Variants in TUBGCP6 observed in about 807,000 individuals in gnomAD.
The protein encoded by TUBGCP6 is gamma-tubulin complex component 6.
TUBGCP6 carries 161 observed loss-of-function variants against 175.8 expected under a neutral mutation model. That is an observed-to-expected ratio of 0.92 (90% CI 0.81 to 1.04). TUBGCP6 has a LOEUF of 1.04. TUBGCP6 is among the 50% of genes least tolerant of loss of function. The pLI is 0.00. For synonymous variants in TUBGCP6, 1,173 were observed against 1,030.5 expected (o/e 1.14, Z -2.65); for missense variants, 2,572 against 2,433.0 (o/e 1.06, Z -1.20).
At position 50,233,430 on chromosome 22, in the gene TUBGCP6, A is replaced by C; in HGVS notation, c.1002T>G (p.Leu334=). ...GCGGGGCCTGTAGGACGCCCCCAGC[A>C]AGCAGCTGGAGCTCCCCTTGGTGGA... The part of the protein sequence containing the change: ...CRLHQGELQL[L]AGGVLQAPQP... Residue 334 remains leucine, a synonymous_variant, in exon 3 of 25, where the codon CTT becomes CTG. Coordinates refer to ENST00000248846, the MANE Select transcript of TUBGCP6 (RefSeq NM_020461.4). 1 of 1,613,744 alleles carries C rather than the reference A, an allele frequency of 6.2e-7. No homozygotes were observed. Among genetic ancestry groups the C allele is most frequent in the Non-Finnish European group, 8.5e-7 (1 of 1,179,854 alleles).
At chr22:50,225,115 G>A (rs1483724597) in intron 10 of TUBGCP6, among the ~76,000 whole-genome samples, 1 of 136,456 alleles carries the variant, frequency 7.3e-6, no homozygotes, top group Non-Finnish European at 1.5e-5. Context: ...TCCAGGCCAT[G>A]GACGGGAGCT....
At chr22:50,226,569 G>A (rs2064613367) in intron 7 of TUBGCP6, among the ~76,000 whole-genome samples, 164 bp downstream of exon 7, 1 of 148,542 alleles carries the variant, frequency 6.7e-6, no homozygotes, top group African/African-American at 2.5e-5. Context: ...GGGGTGTGGA[G>A]TGGGGGCAGG....
rs141834192 is a variant in TUBGCP6, at chr22:50,225,910, G to A, written c.1867C>T (p.Arg623Trp). 1.7e-5 allele frequency: 27 copies of A among 1,613,598 alleles called. No homozygotes were observed. The highest frequency in any genetic ancestry group is 2.2e-5 in the East Asian group (1 of 44,860). Residue 623 changes from arginine (R) to tryptophan (W), a missense_variant, in exon 10 of 25, where the codon CGG (arginine) becomes TGG (tryptophan). Coordinates refer to ENST00000248846, the MANE Select transcript of TUBGCP6 (RefSeq NM_020461.4). ...TCAAGGGAGAAAATCACCGAGATCC[G>A]GGGGACAGGGACGTCGGACCAACAG... is the stretch of plus-strand genomic sequence containing the variant. ...YLCWSDVPVP[R>W]ISVIFSLEEL...
intron 2 of TUBGCP6, among the ~76,000 whole-genome samples, chr22:50,236,702 G>C (rs1264154819): frequency 1.3e-5 from 2 of 152,234 alleles, no homozygotes; most frequent in Non-Finnish European, 2.9e-5. Context: ...CAGTCAGCAG[G>C]TGGGGCCGCT....
intron 7 of TUBGCP6, 101 bp from the exon 8 acceptor site, chr22:50,226,479 G>A: frequency 1.8e-6 from 2 of 1,108,638 alleles, no homozygotes; most frequent in South Asian, 2.8e-5. Context: ...GTCAGTGAGG[G>A]GCAAGTGGGG....
chr22:50,238,443 G>A (rs1191404035), intron 2 of TUBGCP6, among the ~76,000 whole-genome samples: 5 of 149,168 alleles, frequency 3.4e-5, no homozygotes, highest in Non-Finnish European at 7.4e-5. Flanking sequence ...ACAAGACTCC[G>A]CCTCAATAAA....
Position 50,221,565 on chromosome 22 carries a change from AG to A in TUBGCP6, c.2793del (p.Ser932GlnfsTer26), listed in dbSNP as rs1299462712. 6.3e-7 allele frequency: 1 copy of A among 1,587,626 alleles called. No homozygotes were observed. Among genetic ancestry groups the A allele is most frequent in the Non-Finnish European group, 8.6e-7 (1 of 1,164,786 alleles). On this transcript the variant is annotated frameshift_variant, in exon 16 of 25. Coordinates refer to ENST00000248846, the MANE Select transcript of TUBGCP6 (RefSeq NM_020461.4). LOFTEE classifies it high-confidence loss of function. ...ALQTINLDLPPSAPGEAPAAA... is the reference protein window; with the variant it reads ...ALQTINLDLPXSAPGEAPAAA... ...GCTGCGGGTGCCTCCCCAGGAGCTG[AG>A]GGGGGCAGGTCCAAGTTAATGGTCT...
Position 50,244,696 on chromosome 22 carries a change from C to T in TUBGCP6, c.-237G>A, listed in dbSNP as rs1008479717. On this transcript the variant is annotated 5_prime_UTR_variant, in exon 1 of 25. The change creates a new upstream start codon in the 5' untranslated region. Transcript: ENST00000248846. ...ACGCTGCCCGGCGCCCGGCAGCCCA[C>T]CAGAAGCCAGCTCGGCGTTTCTTCT... 1.2e-5 allele frequency: 7 copies of T among 572,448 alleles called. No individual in the cohort carries two copies. Among genetic ancestry groups the T allele is most frequent in the African/African-American group, 1.1e-4 (6 of 53,188 alleles). The allele number at this position is 572,448 out of a possible 1,614,324, so 35.5% of individuals were successfully genotyped here. A position where few individuals can be genotyped will look rare whatever the true frequency, so the allele number is the denominator to read the frequency against.
In TUBGCP6 at chr22:50,218,854, A is replaced by G; in HGVS notation, c.4670T>C (p.Val1557Ala). 1.9e-6 allele frequency: 3 copies of G among 1,613,870 alleles called. No individual in the cohort carries two copies. Among genetic ancestry groups the G allele is most frequent in the Non-Finnish European group, 2.5e-6 (3 of 1,179,938 alleles). The change falls in exon 21 of 25, where the codon GTG becomes GCG. Residue 1557 changes from valine (V) to alanine (A), a missense_variant. Coordinates refer to ENST00000248846, the MANE Select transcript of TUBGCP6 (RefSeq NM_020461.4). Reference sequence around the variant, plus strand: ...GGCCTTGCTCAGCACAGAGTTCAGCACCAGCGGGTTGAGCAGCTCTCCGGG... The same window carrying G: ...GGCCTTGCTCAGCACAGAGTTCAGCGCCAGCGGGTTGAGCAGCTCTCCGGG... ...QTPGELLNPL[V>A]LNSVLSKALQ...
chr22:50,219,267 C>G (rs757582174), intron 19 of TUBGCP6, 21 bp downstream of exon 19: 1 of 1,609,596 alleles, frequency 6.2e-7, no homozygotes, highest in South Asian at 1.1e-5. Context: ...GGCAGACTGG[C>G]GCAGGGGCAG....
chr22:50,242,677 C>T (rs1010419982), intron 1 of TUBGCP6, among the ~76,000 whole-genome samples: 4 of 152,188 alleles, frequency 2.6e-5, no homozygotes, highest in East Asian at 1.9e-4. Flanking sequence ...ATGGTAAAGC[C>T]TCAGGCGACA....
Position 50,244,479 on chromosome 22 carries a change from C to G in TUBGCP6, c.-20G>C. The G allele has an allele frequency of 1.9e-6, 3 of 1,588,920 alleles. No homozygotes were observed. Among genetic ancestry groups the G allele is most frequent in the South Asian group, 2.2e-5 (2 of 89,164 alleles). On this transcript the variant is annotated 5_prime_UTR_variant, in exon 1 of 25. Coordinates refer to ENST00000248846, the MANE Select transcript of TUBGCP6 (RefSeq NM_020461.4). ...GGCCATGCCCCTTCTCAGCTCCGGGCCCCCGGCGTGTGGGAAAACACCTCA... is the reference window on the plus strand; with the variant it reads ...GGCCATGCCCCTTCTCAGCTCCGGGGCCCCGGCGTGTGGGAAAACACCTCA...
In TUBGCP6 at chr22:50,226,298, A is replaced by C; in HGVS notation, c.1682T>G (p.Leu561Arg). Residue 561 changes from leucine (L) to arginine (R), a missense_variant, in exon 8 of 25, where the codon CTC (leucine) becomes CGC (arginine). Leu to Arg is a moderately radical substitution (Grantham distance 102). Transcript: ENST00000248846. ...EFMIQVNHEY[L>R]SFRDKLYWTH... ...CAGCTGCCACCTACCTCGGAAGCTG[A>C]GGTACTCGTGGTTCACCTGAATCAT... The C allele has an allele frequency of 6.2e-7, 1 of 1,613,932 alleles. No homozygotes were observed. The highest frequency in any genetic ancestry group is 8.5e-7 in the Non-Finnish European group (1 of 1,179,990).
At chr22:50,237,464 G>C (rs1421986477) in intron 2 of TUBGCP6, among the ~76,000 whole-genome samples, 9 of 152,238 alleles carry the variant, frequency 5.9e-5, no homozygotes, top group Non-Finnish European at 1.2e-4. Context: ...GTGGGATCAG[G>C]GAGTAGAGGG....
chr22:50,228,018 C>A lies in TUBGCP6; in HGVS notation c.1301G>T (p.Ser434Ile), dbSNP rs1457688060. The A allele has an allele frequency of 3.2e-6, 5 of 1,557,634 alleles. No homozygotes were observed. Among genetic ancestry groups the A allele is most frequent in the Non-Finnish European group, 4.3e-6 (5 of 1,150,842 alleles). Residue 434 changes from serine (S) to isoleucine (I), a missense_variant, in exon 5 of 25, where the codon AGT becomes ATT. Ser to Ile is a moderately radical substitution (Grantham distance 142). Coordinates refer to ENST00000248846, the MANE Select transcript of TUBGCP6 (RefSeq NM_020461.4). Reference sequence around the variant, plus strand: ...ATACTGCAGGTACCTCCTCAGGCCACTGGTGAAGGCCTGTGGGCAAAGAGG... The same window carrying A: ...ATACTGCAGGTACCTCCTCAGGCCAATGGTGAAGGCCTGTGGGCAAAGAGG... ...SKGLVFQAFT[S>I]GLRRYLQYYR... is the part of the protein sequence containing the mutation.
At chr22:50,237,467 G>A (rs1478996628) in intron 2 of TUBGCP6, among the ~76,000 whole-genome samples, 1 of 152,248 alleles carries the variant, frequency 6.6e-6, no homozygotes, top group Non-Finnish European at 1.5e-5. Context: ...GGATCAGGGA[G>A]TAGAGGGGCC....
Position 50,219,123 on chromosome 22 carries a change from AG to A in TUBGCP6, c.4570del (p.Leu1524CysfsTer2). On this transcript the variant is annotated frameshift_variant, in exon 20 of 25. Coordinates refer to ENST00000248846, the MANE Select transcript of TUBGCP6 (RefSeq NM_020461.4). LOFTEE classifies it high-confidence loss of function. ...GGCGAACTCGCCGTCCTCCATCAGC[AG>A]GAAGTGCCGCAGTGCCTCATAGTGC... ...EAHYEALRHFLLMEDGEFAQS... is the reference protein window; with the variant it reads ...EAHYEALRHFXLMEDGEFAQS... 6.2e-7 allele frequency: 1 copy of A among 1,613,218 alleles called. No individual in the cohort carries two copies. The highest frequency in any genetic ancestry group is 8.5e-7 in the Non-Finnish European group (1 of 1,179,976).
intron 3 of TUBGCP6, among the ~76,000 whole-genome samples, chr22:50,230,858 C>T (rs79823474): frequency 0.026 from 3,973 of 150,402 alleles, 102 homozygotes; most frequent in East Asian, 0.13. Flanking sequence ...CCGAAGCAAG[C>T]GGATCACTTG....
chr22:50,222,548 G>C lies in TUBGCP6; in HGVS notation c.2315C>G (p.Ala772Gly). ...CCACAGTGCCTTCTGCTCCCGACGA[G>C]CTGCCTCTGCAGAGAGCTTGCTGTA... ...DHYSKLSAEA[A>G]RREQKALWRI... The change falls in exon 14 of 25, where the codon GCT becomes GGT. Residue 772 changes from alanine to glycine, a missense_variant. Coordinates refer to ENST00000248846, the MANE Select transcript of TUBGCP6 (RefSeq NM_020461.4). 1 of 1,613,238 alleles carries C rather than the reference G, an allele frequency of 6.2e-7. No individual in the cohort carries two copies. Among genetic ancestry groups the C allele is most frequent in the Non-Finnish European group, 8.5e-7 (1 of 1,180,026 alleles).
Sources: allele counts gnomAD v4.1 joint callset (sites outside exome capture counted in the v4.1 genomes callset), GRCh38; gene constraint gnomAD v4.1.1; transcripts MANE v1.5; gene names NCBI Gene and HGNC (gene_info 2026-07-23, HGNC 2026-07-21).